The following NELL1 variants were observed in gnomAD, a reference collection of about 807,000 sequenced individuals.
NELL1 encodes the protein protein kinase C-binding protein NELL1.
A neutral mutation model predicts 107.4 loss-of-function variants in NELL1; 76 were observed. The ratio of observed to expected loss-of-function variants is 0.71; its 90% CI spans 0.59 to 0.86. The LOEUF is 0.86. NELL1 is among the 40% of genes least tolerant of loss of function. The pLI is 0.00. For synonymous variants in NELL1, 353 were observed against 341.2 expected (o/e 1.03, Z -0.38); for missense variants, 1,024 against 1,005.5 (o/e 1.02, Z -0.25).
chr11:21,383,493 T>G (rs546697896), intron 15 of NELL1, among the ~76,000 whole-genome samples: 2 of 151,720 alleles, frequency 1.3e-5, no homozygotes, highest in African/African-American at 4.8e-5. Flanking sequence ...ACTTCCATAA[T>G]TGGGCCTCTT....
At chr11:20,851,298 A>T (rs1464874457) in intron 4 of NELL1, among the ~76,000 whole-genome samples, 1 of 152,194 alleles carries the variant, frequency 6.6e-6, no homozygotes, top group Non-Finnish European at 1.5e-5. Context: ...TGGTAGTTCA[A>T]CACTTTCTGC....
chr11:21,075,624 G>C (rs747391960), intron 12 of NELL1, among the ~76,000 whole-genome samples: 1 of 152,044 alleles, frequency 6.6e-6, no homozygotes, highest in African/African-American at 2.4e-5. Flanking sequence ...TTGTTTTCTT[G>C]CAGAGACATG....
At chr11:21,494,112 T>C (rs1464280184) in intron 15 of NELL1, among the ~76,000 whole-genome samples, 1 of 152,040 alleles carries the variant, frequency 6.6e-6, no homozygotes, top group Non-Finnish European at 1.5e-5. Flanking sequence ...TTAACAAAAA[T>C]GTATTTAATA....
chr11:21,549,291 T>C (rs1372958834), intron 16 of NELL1, among the ~76,000 whole-genome samples: 1 of 151,944 alleles, frequency 6.6e-6, no homozygotes, highest in Non-Finnish European at 1.5e-5. Context: ...AAGAGTATAA[T>C]GTATAAGAGT....
At chr11:21,036,032 G>T (rs1853083941) in intron 12 of NELL1, among the ~76,000 whole-genome samples, 1 of 152,096 alleles carries the variant, frequency 6.6e-6, no homozygotes, top group Admixed American at 6.6e-5. Flanking sequence ...AACAACTTCA[G>T]CAAAGTCTCA....
At chr11:21,070,047 A>AAAATAGT (rs1853972902) in intron 12 of NELL1, among the ~76,000 whole-genome samples, 1 of 152,208 alleles carries the variant, frequency 6.6e-6, no homozygotes, top group Non-Finnish European at 1.5e-5. Flanking sequence ...TTGGAGGGAC[A>AAAATAGT]AAATAGTTTC....
chr11:21,386,459 C>CATAGACA (rs1851747592), intron 15 of NELL1, among the ~76,000 whole-genome samples: 1 of 151,796 alleles, frequency 6.6e-6, no homozygotes, highest in African/African-American at 2.4e-5. Flanking sequence ...CACTTCCTTC[C>CATAGACA]ATAGACAAAG....
chr11:21,167,381 T>C (rs1194517854), intron 13 of NELL1, among the ~76,000 whole-genome samples: 2 of 151,846 alleles, frequency 1.3e-5, no homozygotes, highest in African/African-American at 2.4e-5. Flanking sequence ...GCAATAACTT[T>C]AGACAATGGG....
At chr11:21,086,426 A>T (rs1299177375) in intron 12 of NELL1, among the ~76,000 whole-genome samples, 1 of 152,178 alleles carries the variant, frequency 6.6e-6, no homozygotes, top group African/African-American at 2.4e-5. Context: ...TATTATCTTT[A>T]CGTGTGGGGT....
At chr11:20,958,266 T>C (rs36068348) in intron 11 of NELL1, among the ~76,000 whole-genome samples, 6,625 of 151,890 alleles carry the variant, frequency 0.044, 218 homozygotes, top group Middle Eastern at 0.2. Context: ...AAAAAAAAAT[T>C]AGCTGGGCCT....
chr11:21,570,358 G>A (rs962542944), intron 17 of NELL1, among the ~76,000 whole-genome samples: 1 of 151,734 alleles, frequency 6.6e-6, no homozygotes, highest in African/African-American at 2.4e-5. Flanking sequence ...TTGGGACAGG[G>A]ATATAGTTAG....
chr11:21,049,241 G>T (rs1408306877), intron 12 of NELL1, among the ~76,000 whole-genome samples: 1 of 152,168 alleles, frequency 6.6e-6, no homozygotes, highest in African/African-American at 2.4e-5. Context: ...AAGAGACTCA[G>T]CTGAAAGCTG....
chr11:21,290,326 G>A (rs1012535530), intron 14 of NELL1, among the ~76,000 whole-genome samples: 2 of 151,394 alleles, frequency 1.3e-5, no homozygotes, highest in African/African-American at 4.9e-5. Flanking sequence ...CCAAGATTGC[G>A]CCACCGCACT....
chr11:21,276,401 T>C (rs1010176390), intron 14 of NELL1, among the ~76,000 whole-genome samples: 7 of 152,014 alleles, frequency 4.6e-5, no homozygotes, highest in Non-Finnish European at 1.0e-4. Context: ...TAAAAGAGGA[T>C]ACAGAGAAAT....
chr11:21,288,865 G>A (rs1849189122), intron 14 of NELL1, among the ~76,000 whole-genome samples: 1 of 152,062 alleles, frequency 6.6e-6, no homozygotes, highest in Admixed American at 6.5e-5. Context: ...GTCAGTCAGG[G>A]GGCCTCCATT....
intron 3 of NELL1, among the ~76,000 whole-genome samples, chr11:20,834,180 C>T (rs1392187365): frequency 6.6e-6 from 1 of 152,114 alleles, no homozygotes; most frequent in Non-Finnish European, 1.5e-5. Flanking sequence ...AGGATGATAG[C>T]TGTGAAGGAG....
At chr11:21,403,337 A>T (rs1455681652) in intron 15 of NELL1, among the ~76,000 whole-genome samples, 1 of 151,738 alleles carries the variant, frequency 6.6e-6, no homozygotes, top group African/African-American at 2.4e-5. Flanking sequence ...AGGGACTCTT[A>T]AATCTGAAGG....
chr11:20,707,866 T>G (rs1426839391), intron 2 of NELL1, among the ~76,000 whole-genome samples: 1 of 152,222 alleles, frequency 6.6e-6, no homozygotes, highest in African/African-American at 2.4e-5. Flanking sequence ...ACTACTTTCT[T>G]CAAAGCTGTC....
chr11:21,502,229 A>C (rs1196798391), intron 15 of NELL1, among the ~76,000 whole-genome samples: 1 of 152,208 alleles, frequency 6.6e-6, no homozygotes, highest in Non-Finnish European at 1.5e-5. Flanking sequence ...CTGGATAAGT[A>C]AATAAATAGT....
Sources: gnomAD v4.1 joint callset for allele counts (sites outside exome capture counted in the v4.1 genomes callset) on GRCh38, gnomAD v4.1.1 for gene constraint, MANE v1.5 for transcripts, NCBI Gene and HGNC (gene_info 2026-07-23, HGNC 2026-07-21) for gene names.